LRMDA: variants seen among roughly 807,000 people sequenced by gnomAD.
LRMDA encodes the protein leucine-rich melanocyte differentiation-associated protein.
Under a neutral mutation model 29.8 loss-of-function variants are expected in LRMDA, and 18 were observed. The ratio of observed to expected loss-of-function variants is 0.60; its 90% confidence interval spans 0.42 to 0.90. The LOEUF (loss-of-function observed/expected upper bound fraction) is 0.90. Ranked by LOEUF, LRMDA falls within the 40% of genes least tolerant of loss-of-function variation. The probability of loss-of-function intolerance (pLI) is 0.00; values close to 1 mark genes in which losing one functional copy is unlikely to be tolerated. For missense variants in LRMDA, 273 were observed against 273.9 expected, an observed-to-expected ratio of 1.00 and a Z score of 0.02; for synonymous variants, 125 against 109.4, an observed-to-expected ratio of 1.14 and a Z score of -0.89.
At chr10:75,788,635 T>G (rs1336154749) in intron 2 of LRMDA, among the ~76,000 whole-genome samples, 1 of 152,230 alleles carries the variant, frequency 6.6e-6, no homozygotes, top group African/African-American at 2.4e-5. Context: ...GGCCATAGTT[T>G]TTACACAAGA....
intron 5 of LRMDA, among the ~76,000 whole-genome samples, chr10:76,284,781 T>G (rs1840251139): frequency 6.6e-6 from 1 of 152,146 alleles, no homozygotes; most frequent in Non-Finnish European, 1.5e-5. Context: ...TTTTCCCATA[T>G]TGTTCTCATG....
rs1467825586 is a variant in LRMDA, at chr10:75,524,748, AT to A, written c.131+86261del. On this transcript the variant is annotated intron_variant, in intron 2 of 6. Transcript: ENST00000611255. ...CAGGAAATTGGGGAGAAGTTTTAGT[AT>A]TTTTTTGTTCTTATTTTTTTGGTCT... Among the ~76,000 whole-genome samples the A allele has an allele frequency of 5.3e-5, 8 of 152,096 alleles. No individual in the cohort carries two copies. The East Asian group carries it at 1.4e-3, about 26-fold the overall frequency.
intron 2 of LRMDA, among the ~76,000 whole-genome samples, chr10:75,974,037 A>G (rs1241156271): frequency 6.6e-6 from 1 of 152,142 alleles, no homozygotes; most frequent in Non-Finnish European, 1.5e-5. Context: ...CGTCTTATAG[A>G]TGTTGGCAAA....
chr10:75,939,575 TG>T (rs1190360080), intron 2 of LRMDA, among the ~76,000 whole-genome samples: 1 of 152,200 alleles, frequency 6.6e-6, no homozygotes. Context: ...GAGTTCTCAC[TG>T]GGTTGCATTT....
intron 2 of LRMDA, among the ~76,000 whole-genome samples, chr10:75,923,948 A>G (rs1846072163): frequency 6.6e-6 from 1 of 152,210 alleles, no homozygotes; most frequent in South Asian, 2.1e-4. Context: ...CAAACGGGAT[A>G]GTCCCTTATT....
In LRMDA at chr10:76,140,157, T is replaced by C. The variant is rs569348049; in HGVS notation, c.516+81374T>C. Among the ~76,000 whole-genome samples, 32 of 152,246 alleles carry C rather than the reference T, an allele frequency of 2.1e-4. No homozygotes were observed. The East Asian group carries it at 2.3e-3, about 11-fold the overall frequency. On this transcript the variant is annotated intron_variant, in intron 5 of 6. Transcript: ENST00000611255. Reference sequence around the variant, plus strand: ...GTAAGGATTATTTTGAGCTGATTATTTGGAGGTCTACAGCCATAGGAGAAG... The same window carrying C: ...GTAAGGATTATTTTGAGCTGATTATCTGGAGGTCTACAGCCATAGGAGAAG...
intron 2 of LRMDA, among the ~76,000 whole-genome samples, chr10:75,986,968 G>T (rs1282770525): frequency 6.6e-6 from 1 of 152,170 alleles, no homozygotes; most frequent in South Asian, 2.1e-4. Context: ...GTGAAGAAAT[G>T]CTTTTTCCCT....
chr10:75,743,412 G>C lies in LRMDA; in HGVS notation c.132-292596G>C, dbSNP rs371034282. The C allele has an allele frequency of 2.6e-5, 4 of 152,256 alleles. No homozygotes were observed. The South Asian group carries it at 6.2e-4, about 24-fold the overall frequency. The allele number at this position is 152,256 out of a possible 1,614,324, so 9.4% of individuals were successfully genotyped here. A position where few individuals can be genotyped will look rare whatever the true frequency, so the allele number is the denominator to read the frequency against. Reference sequence around the variant, plus strand: ...CTGGGATGAGCCGTGAGTCCTCTGAGAACTGCTTCCTGTTTCGTCTGGTAA... The same window carrying C: ...CTGGGATGAGCCGTGAGTCCTCTGACAACTGCTTCCTGTTTCGTCTGGTAA... On this transcript the variant is annotated intron_variant, in intron 2 of 6. Transcript: ENST00000611255.
chr10:75,937,730 G>A (rs1387174208), intron 2 of LRMDA, among the ~76,000 whole-genome samples: 1 of 152,126 alleles, frequency 6.6e-6, no homozygotes, highest in African/African-American at 2.4e-5. Flanking sequence ...GCTGCGGAGC[G>A]GGCGTGTAAG....
intron 2 of LRMDA, among the ~76,000 whole-genome samples, chr10:75,524,416 A>G (rs1365885290): frequency 6.6e-6 from 1 of 152,154 alleles, no homozygotes; most frequent in Non-Finnish European, 1.5e-5. Flanking sequence ...TGGGGGACCA[A>G]TAAACCTGTA....
At chr10:75,552,923 T>C in intron 2 of LRMDA, among the ~76,000 whole-genome samples, 1 of 152,276 alleles carries the variant, frequency 6.6e-6, no homozygotes, top group South Asian at 2.1e-4. Context: ...AGAAAAAGTT[T>C]CCATTTCTCT....
chr10:76,432,392 G>A (rs1842200146), intron 6 of LRMDA, among the ~76,000 whole-genome samples: 1 of 152,110 alleles, frequency 6.6e-6, no homozygotes. Context: ...CAATTTCTCT[G>A]TCTCCCATGC....
intron 2 of LRMDA, among the ~76,000 whole-genome samples, chr10:75,639,743 A>G (rs1486376207): frequency 6.6e-6 from 1 of 152,070 alleles, no homozygotes; most frequent in Non-Finnish European, 1.5e-5. Flanking sequence ...GGGTTGGATG[A>G]TGTTGATTAA....
chr10:75,530,295 G>A (rs1414363973), intron 2 of LRMDA, among the ~76,000 whole-genome samples: 3 of 151,884 alleles, frequency 2.0e-5, no homozygotes, highest in Admixed American at 2.0e-4. Context: ...ATTGATTGAT[G>A]AGAATGATGG....
chr10:76,038,689 C>T (rs549681049), intron 3 of LRMDA, among the ~76,000 whole-genome samples: 2 of 152,198 alleles, frequency 1.3e-5, no homozygotes, highest in South Asian at 2.1e-4. Context: ...AAATGACTCT[C>T]CTACCTAACT....
chr10:75,997,546 T>C (rs1462176860), intron 2 of LRMDA, among the ~76,000 whole-genome samples: 1 of 152,168 alleles, frequency 6.6e-6, no homozygotes, highest in Non-Finnish European at 1.5e-5. Flanking sequence ...GGCTAAGATG[T>C]TTCTGTCTAG....
chr10:76,548,789 TG>T (rs1564573619), intron 6 of LRMDA, among the ~76,000 whole-genome samples: 2 of 152,188 alleles, frequency 1.3e-5, no homozygotes. Context: ...AAAAGTACAT[TG>T]TCTGTTTCCT....
chr10:75,957,386 A>G (rs956412166), intron 2 of LRMDA, among the ~76,000 whole-genome samples: 1 of 152,220 alleles, frequency 6.6e-6, no homozygotes, highest in Admixed American at 6.5e-5. Flanking sequence ...ACAGACAACA[A>G]TGAAGGGTGC....
At chr10:76,201,229 T>A (rs1851423257) in intron 5 of LRMDA, among the ~76,000 whole-genome samples, 1 of 151,984 alleles carries the variant, frequency 6.6e-6, no homozygotes, top group South Asian at 2.1e-4. Context: ...CCCAAGTAGC[T>A]GGGATTACAG....
Sources: allele counts gnomAD v4.1 joint callset (sites outside exome capture counted in the v4.1 genomes callset), GRCh38; gene constraint gnomAD v4.1.1; transcripts MANE v1.5; gene names NCBI Gene and HGNC (gene_info 2026-07-23, HGNC 2026-07-21).